The following DCC variants were observed in gnomAD, a reference collection of about 807,000 sequenced individuals.
DCC encodes DCC netrin 1 receptor, also known as netrin receptor DCC.
Under a neutral mutation model 172.5 loss-of-function variants are expected in DCC, and 58 were observed. The observed-to-expected ratio is 0.34, with a 90% CI of 0.27 to 0.42. The LOEUF (loss-of-function observed/expected upper bound fraction) is 0.42, where lower values mean the gene tolerates loss of function less well. Ranked by LOEUF, DCC falls within the 10% of genes least tolerant of loss-of-function variation. DCC has a pLI of 1.00. For missense variants in DCC, 1,740 were observed against 1,791.0 expected, an observed-to-expected ratio of 0.97 and a Z score of 0.51; for synonymous variants, 709 against 644.5, an observed-to-expected ratio of 1.10 and a Z score of -1.52.
rs767517577 is a variant in DCC at position 53,066,351 on chromosome 18, GTGTA to G, written c.1261+187_1261+190del. On this transcript the variant is annotated intron_variant, in intron 7 of 28. Coordinates refer to ENST00000442544, the MANE Select transcript of DCC (RefSeq NM_005215.4). ...TCTAGAAAATTGTGTGTGTACATGT[GTGTA>G]TATATATATATATATATATATATAT... 6.7e-5 allele frequency among the ~76,000 whole-genome samples: 6 copies of G among 90,174 alleles called. No individual in the cohort carries two copies. The South Asian group carries it at 2.8e-3, about 42-fold the overall frequency. 59.2% of individuals were successfully genotyped at this position (90,174 alleles called of 152,430 possible). A position where few individuals can be genotyped will look rare whatever the true frequency, so the allele number is the denominator to read the frequency against.
At chr18:53,091,208 T>C (rs1460318034) in intron 7 of DCC, among the ~76,000 whole-genome samples, 3 of 151,872 alleles carry the variant, frequency 2.0e-5, no homozygotes, top group Non-Finnish European at 2.9e-5. Flanking sequence ...AGAACTCATA[T>C]AGGCATTATA....
intron 7 of DCC, among the ~76,000 whole-genome samples, chr18:53,127,093 A>G (rs973084002): frequency 6.6e-6 from 1 of 151,196 alleles, no homozygotes; most frequent in Non-Finnish European, 1.5e-5. Context: ...ATTTACTCAA[A>G]TAAGTGATTC....
At chr18:52,899,924 C>A (rs554371280) in intron 2 of DCC, among the ~76,000 whole-genome samples, 1 of 152,160 alleles carries the variant, frequency 6.6e-6, no homozygotes, top group Non-Finnish European at 1.5e-5. Flanking sequence ...ATTCAACATA[C>A]GTTTGATGGC....
chr18:52,773,504 A>ATCTCTATATATCTC (rs1244838129), intron 2 of DCC, among the ~76,000 whole-genome samples: 1 of 100,614 alleles, frequency 9.9e-6, no homozygotes, highest in African/African-American at 2.9e-5. Flanking sequence ...ATATCTCTAT[A>ATCTCTATATATCTC]TATCTATATC....
At chr18:52,564,565 A>G (rs1356440938) in intron 1 of DCC, among the ~76,000 whole-genome samples, 1 of 151,768 alleles carries the variant, frequency 6.6e-6, no homozygotes, top group Non-Finnish European at 1.5e-5. Flanking sequence ...TTTTAAGAAT[A>G]AGTAACTTCA....
At chr18:53,494,192 CTG>C (rs2045991913) in intron 26 of DCC, among the ~76,000 whole-genome samples, 1 of 152,244 alleles carries the variant, frequency 6.6e-6, no homozygotes, top group African/African-American at 2.4e-5. Context: ...GTCTGAGAGA[CTG>C]TTTATTATTT....
chr18:52,628,753 ACTC>A (rs2144874842), intron 1 of DCC, among the ~76,000 whole-genome samples: 1 of 152,058 alleles, frequency 6.6e-6, no homozygotes, highest in South Asian at 2.1e-4. Context: ...TGTATAATGG[ACTC>A]CTGCTGGTGT....
intron 1 of DCC, among the ~76,000 whole-genome samples, chr18:52,526,733 G>T (rs1221987): frequency 0.3 from 45,560 of 151,906 alleles, 6,943 homozygotes; most frequent in Middle Eastern, 0.33. Flanking sequence ...ACTACAGAAG[G>T]ACATGGGCTT....
At chr18:53,001,576 C>T (rs1175578500) in intron 5 of DCC, among the ~76,000 whole-genome samples, 13 of 152,048 alleles carry the variant, frequency 8.5e-5, no homozygotes, top group Admixed American at 8.5e-4. Flanking sequence ...TGAAAAGTTT[C>T]AGTATTATCT....
intron 1 of DCC, among the ~76,000 whole-genome samples, chr18:52,591,381 T>C (rs568657708): frequency 6.6e-6 from 1 of 152,202 alleles, no homozygotes; most frequent in Non-Finnish European, 1.5e-5. Context: ...AAACTGCTTT[T>C]TTTTCACTTA....
At chr18:52,925,165 A>G in intron 4 of DCC, 69 bp from the exon 5 acceptor site, 2 of 1,479,340 alleles carry the variant, frequency 1.4e-6, no homozygotes, top group Non-Finnish European at 1.9e-6. Context: ...GAGGTCATTT[A>G]AAGCTCTGAG....
At chr18:53,141,197 G>C (rs1465233341) in intron 7 of DCC, among the ~76,000 whole-genome samples, 1 of 152,104 alleles carries the variant, frequency 6.6e-6, no homozygotes, top group Non-Finnish European at 1.5e-5. Flanking sequence ...GATGATGAAA[G>C]TCCCTAGCGA....
chr18:52,740,675 C>T (rs545001073), intron 1 of DCC, among the ~76,000 whole-genome samples: 34 of 152,274 alleles, frequency 2.2e-4, no homozygotes, highest in African/African-American at 7.5e-4. Flanking sequence ...AATAAAGCAG[C>T]CCACGCTTTG....
chr18:52,939,999 G>A (rs1252366799), intron 5 of DCC, among the ~76,000 whole-genome samples: 28 of 152,164 alleles, frequency 1.8e-4, no homozygotes, highest in Admixed American at 1.7e-3. Flanking sequence ...TCATCCATGA[G>A]CCTCTTAGAA....
At chr18:53,185,615 C>T (rs535338480) in intron 9 of DCC, among the ~76,000 whole-genome samples, 1 of 152,288 alleles carries the variant, frequency 6.6e-6, no homozygotes, top group Non-Finnish European at 1.5e-5. Flanking sequence ...TATATGATTA[C>T]TGGCTACTGT....
intron 9 of DCC, among the ~76,000 whole-genome samples, chr18:53,195,475 T>G (rs2055429673): frequency 6.6e-6 from 1 of 152,220 alleles, no homozygotes; most frequent in Admixed American, 6.5e-5. Flanking sequence ...TTCCATGCTT[T>G]GGGGAAAAAT....
chr18:52,896,129 G>A (rs1298747973), intron 2 of DCC, among the ~76,000 whole-genome samples: 1 of 152,120 alleles, frequency 6.6e-6, no homozygotes, highest in Admixed American at 6.6e-5. Context: ...CTTTACTGAG[G>A]TGGTGTATCA....
intron 5 of DCC, among the ~76,000 whole-genome samples, chr18:52,957,719 A>G (rs1303584017): frequency 2.6e-5 from 4 of 152,164 alleles, no homozygotes; most frequent in African/African-American, 4.8e-5. Context: ...CTGTGGGAAT[A>G]GCAAGAACAA....
chr18:53,261,172 C>G (rs1283201294), intron 12 of DCC, among the ~76,000 whole-genome samples: 1 of 152,162 alleles, frequency 6.6e-6, no homozygotes, highest in South Asian at 2.1e-4. Context: ...ATGCCTCGCC[C>G]TGCTTTGGCT....
Sources: gnomAD v4.1 joint callset for allele counts (sites outside exome capture counted in the v4.1 genomes callset) on GRCh38, gnomAD v4.1.1 for gene constraint, MANE v1.5 for transcripts, NCBI Gene and HGNC (gene_info 2026-07-23, HGNC 2026-07-21) for gene names.